LYN: variants seen among roughly 807,000 people sequenced by gnomAD.
The protein encoded by LYN is LYN proto-oncogene, Src family tyrosine kinase.
LYN carries 12 observed loss-of-function variants against 65.0 expected under a neutral mutation model. The observed-to-expected ratio is 0.18, with a 90% CI of 0.12 to 0.30. The LOEUF (loss-of-function observed/expected upper bound fraction) is 0.30, where lower values mean the gene tolerates loss of function less well. Ranked by LOEUF, LYN falls within the 10% of genes least tolerant of loss-of-function variation. The pLI is 1.00. For missense variants in LYN, 380 were observed against 623.2 expected (o/e 0.61, Z 4.16); for synonymous variants, 222 against 221.2 (o/e 1.00, Z -0.03).
rs1808785998 is a variant in LYN at position 56,010,581 on chromosome 8, A to C, written c.*471A>C. On this transcript the variant is annotated 3_prime_UTR_variant, in exon 13 of 13. Coordinates refer to ENST00000519728, the MANE Select transcript of LYN (RefSeq NM_002350.4). ...CTTTGGCTTACTTGTTTAAAAAAAA[A>C]AAAAAACTAATCCAACCTGTTAGAT... 4.3e-6 allele frequency: 1 copy of C among 233,142 alleles called. No homozygotes were observed. Among genetic ancestry groups the C allele is most frequent in the Non-Finnish European group, 8.5e-6 (1 of 117,766 alleles). The allele number at this position is 233,142 out of a possible 1,614,324, so 14.4% of individuals were successfully genotyped here.
chr8:55,972,412 T>A (rs970602919), intron 10 of LYN, among the ~76,000 whole-genome samples: 1 of 152,144 alleles, frequency 6.6e-6, no homozygotes, highest in African/African-American at 2.4e-5. Flanking sequence ...CTTATTATAA[T>A]ACAGATAATT....
intron 1 of LYN, among the ~76,000 whole-genome samples, chr8:55,885,986 A>G (rs1002823751): frequency 6.6e-6 from 1 of 152,110 alleles, no homozygotes. Context: ...GGAGCAGTCT[A>G]GAGTCTTAAG....
rs1301290559 is a variant in LYN at position 55,950,485 on chromosome 8, C to T, written c.311C>T (p.Ser104Phe). 6.2e-7 allele frequency: 1 copy of T among 1,612,840 alleles called. No homozygotes were observed. Among genetic ancestry groups the T allele is most frequent in the Admixed American group, 1.7e-5 (1 of 59,726 alleles). Residue 104 changes from serine (S) to phenylalanine (F), a missense_variant, in exon 5 of 13, where the codon TCC becomes TTC. Ser to Phe is a radical substitution (Grantham distance 155). Coordinates refer to ENST00000519728, the MANE Select transcript of LYN (RefSeq NM_002350.4). ...CATGGAGAATGGTGGAAAGCAAAGT[C>T]CCTTTTAACAAAAAAAGAAGGCTTC... is the stretch of plus-strand genomic sequence containing the variant. ...EEHGEWWKAK[S>F]LLTKKEGFIP...
chr8:55,926,181 G>A (rs988330308), intron 1 of LYN, among the ~76,000 whole-genome samples: 5 of 152,140 alleles, frequency 3.3e-5, no homozygotes, highest in Admixed American at 6.6e-5. Context: ...CCTCTCCCAC[G>A]TAGATTTACC....
At position 56,011,993 on chromosome 8, in the gene LYN, A is replaced by G. The variant is rs1015497941; in HGVS notation, c.*1883A>G. 1.6e-5 allele frequency: 3 copies of G among 187,972 alleles called. No homozygotes were observed. The highest frequency in any genetic ancestry group is 7.0e-5 in the African/African-American group (3 of 42,756). 11.6% of individuals were successfully genotyped at this position (187,972 alleles called of 1,614,324 possible). A position where few individuals can be genotyped will look rare whatever the true frequency, so the allele number is the denominator to read the frequency against. ...TAGAGGTTTTTTTTTTAGCATAACA[A>G]ATTTATTTAAAGAAAATTATTAAAT... On this transcript the variant is annotated 3_prime_UTR_variant, in exon 13 of 13. Transcript: ENST00000519728.
At chr8:55,930,182 A>G (rs1330847347) in intron 1 of LYN, among the ~76,000 whole-genome samples, 1 of 152,218 alleles carries the variant, frequency 6.6e-6, no homozygotes, top group Non-Finnish European at 1.5e-5. Flanking sequence ...GTTGGGGACC[A>G]CTGCTCTAGC....
chr8:55,882,854 A>G lies in LYN; in HGVS notation c.-6+2751A>G, dbSNP rs1000925029. On this transcript the variant is annotated intron_variant, in intron 1 of 12. Transcript: ENST00000519728. ...AGCGGTACCATTAGGAGTAGTAGGT[A>G]TGTTTTTTGGCTCTTTCTACTTGTC... Among the ~76,000 whole-genome samples the G allele has an allele frequency of 1.1e-4, 17 of 152,120 alleles. 2 individuals carry two copies. Among genetic ancestry groups the G allele is most frequent in the Admixed American group, 9.8e-4 (15 of 15,274 alleles).
At chr8:55,895,289 G>C (rs1805063391) in intron 1 of LYN, among the ~76,000 whole-genome samples, 1 of 152,166 alleles carries the variant, frequency 6.6e-6, no homozygotes, top group South Asian at 2.1e-4. Flanking sequence ...GAGCAGAACA[G>C]TTTCCAAGTG....
At chr8:55,945,626 C>T (rs1806753057) in intron 2 of LYN, among the ~76,000 whole-genome samples, 1 of 152,200 alleles carries the variant, frequency 6.6e-6, no homozygotes, top group Non-Finnish European at 1.5e-5. Context: ...TTACAAGAGG[C>T]CCAGAGGCCT....
At chr8:55,914,576 A>G (rs1483883582) in intron 1 of LYN, among the ~76,000 whole-genome samples, 3 of 152,022 alleles carry the variant, frequency 2.0e-5, no homozygotes, top group African/African-American at 4.8e-5. Flanking sequence ...TTCCAGGAAC[A>G]CCCCAATCTC....
intron 10 of LYN, among the ~76,000 whole-genome samples, chr8:55,995,381 G>A (rs964801885): frequency 6.6e-6 from 1 of 152,170 alleles, no homozygotes; most frequent in African/African-American, 2.4e-5. Context: ...CAGGGGACAC[G>A]AAGTCACTGC....
intron 12 of LYN, among the ~76,000 whole-genome samples, chr8:56,007,713 T>C (rs777556531): frequency 4.6e-5 from 7 of 152,240 alleles, no homozygotes; most frequent in Non-Finnish European, 7.3e-5. Flanking sequence ...GGGAAATACA[T>C]AGAAACCTAC....
intron 1 of LYN, chr8:55,940,198 C>T (rs1806567595): frequency 6.6e-6 from 1 of 152,220 alleles, no homozygotes; most frequent in Admixed American, 6.5e-5. Flanking sequence ...TCTCTCCTTC[C>T]TCTAGACTTA....
At chr8:55,910,147 TTAAG>T (rs1413375274) in intron 1 of LYN, among the ~76,000 whole-genome samples, 1 of 152,204 alleles carries the variant, frequency 6.6e-6, no homozygotes, top group Non-Finnish European at 1.5e-5. Context: ...GCTTTTTAGT[TTAAG>T]TAAGTCTCAT....
chr8:55,949,139 T>C (rs926006790), intron 4 of LYN, among the ~76,000 whole-genome samples: 8 of 152,218 alleles, frequency 5.3e-5, no homozygotes, highest in Non-Finnish European at 8.8e-5. Flanking sequence ...AATTGTCTTA[T>C]GGTTTTCTTC....
intron 12 of LYN, among the ~76,000 whole-genome samples, chr8:56,004,996 G>T (rs542787453): frequency 1.3e-5 from 2 of 152,236 alleles, no homozygotes; most frequent in African/African-American, 4.8e-5. Flanking sequence ...TGTTGCCTAG[G>T]CTGGTTTCTA....
At chr8:55,941,021 T>A (rs1396057304) in intron 1 of LYN, among the ~76,000 whole-genome samples, 1 of 152,200 alleles carries the variant, frequency 6.6e-6, no homozygotes, top group Non-Finnish European at 1.5e-5. Flanking sequence ...AATGTTTTCA[T>A]AAGTATCTTC....
intron 1 of LYN, among the ~76,000 whole-genome samples, chr8:55,891,473 G>A (rs1804962022): frequency 6.6e-6 from 1 of 152,142 alleles, no homozygotes; most frequent in African/African-American, 2.4e-5. Flanking sequence ...ACTAATGTGA[G>A]GTTCCTCAAA....
intron 1 of LYN, among the ~76,000 whole-genome samples, chr8:55,887,344 T>C (rs2130353633): frequency 6.6e-6 from 1 of 152,174 alleles, no homozygotes; most frequent in South Asian, 2.1e-4. Context: ...ATTTCTGAAA[T>C]AAAATATTCA....
Sources: gnomAD v4.1 joint callset for allele counts (sites outside exome capture counted in the v4.1 genomes callset) on GRCh38, gnomAD v4.1.1 for gene constraint, MANE v1.5 for transcripts, NCBI Gene and HGNC (gene_info 2026-07-23, HGNC 2026-07-21) for gene names.